The following SLC31A1 variants were observed in gnomAD, a reference collection of about 807,000 sequenced individuals.
The protein encoded by SLC31A1 is solute carrier family 31 member 1.
A neutral mutation model predicts 17.2 loss-of-function variants in SLC31A1; 5 were observed. The observed-to-expected ratio is 0.29, with a 90% CI of 0.15 to 0.61. The LOEUF (loss-of-function observed/expected upper bound fraction) is 0.61. Among genes scored for constraint, SLC31A1 ranks in the 20% least tolerant of loss-of-function variants. The probability of loss-of-function intolerance (pLI) is 0.86; values close to 1 mark genes in which losing one functional copy is unlikely to be tolerated. For synonymous variants in SLC31A1, 76 were observed against 78.8 expected, an observed-to-expected ratio of 0.96 and a Z score of 0.19; for missense variants, 161 against 241.4, an observed-to-expected ratio of 0.67 and a Z score of 2.21.
chr9:113,254,650 G>A (rs2119013457), intron 1 of SLC31A1, among the ~76,000 whole-genome samples: 1 of 152,248 alleles, frequency 6.6e-6, no homozygotes, highest in East Asian at 1.9e-4. Flanking sequence ...TATAATCCCA[G>A]TACTTTGGGA....
At position 113,256,217 on chromosome 9, in the gene SLC31A1, T is replaced by G; in HGVS notation, c.69T>G (p.His23Gln). ...ACAGTACCATGCAACCTTCTCACCATCACCCAACCACTTCAGCCTCACACT... is the reference window on the plus strand; with the variant it reads ...ACAGTACCATGCAACCTTCTCACCAGCACCCAACCACTTCAGCCTCACACT... ...DSNSTMQPSH[H>Q]HPTTSASHSH... The change falls in exon 2 of 5, where the codon CAT (histidine) becomes CAG (glutamine). Residue 23 changes from histidine to glutamine, a missense_variant. Coordinates refer to ENST00000374212, the MANE Select transcript of SLC31A1 (RefSeq NM_001859.4). 1 of 1,613,552 alleles carries G rather than the reference T, an allele frequency of 6.2e-7. No individual in the cohort carries two copies. The highest frequency in any genetic ancestry group is 8.5e-7 in the Non-Finnish European group (1 of 1,180,010).
rs1209701908 is a variant in SLC31A1, at chr9:113,261,987, A to G, written c.*1514A>G. 1.3e-5 allele frequency: 2 copies of G among 152,684 alleles called. No individual in the cohort carries two copies. Among genetic ancestry groups the G allele is most frequent in the Non-Finnish European group, 2.9e-5 (2 of 68,042 alleles). 9.5% of individuals were successfully genotyped at this position (152,684 alleles called of 1,614,324 possible). On this transcript the variant is annotated 3_prime_UTR_variant, in exon 5 of 5. Coordinates refer to ENST00000374212, the MANE Select transcript of SLC31A1 (RefSeq NM_001859.4). Reference sequence around the variant, plus strand: ...CCCAAGCACACATGTGTGAAGGGCTATAGCCAAAGTATTTTTACTAGCCTG... The same window carrying G: ...CCCAAGCACACATGTGTGAAGGGCTGTAGCCAAAGTATTTTTACTAGCCTG...
chr9:113,235,979 C>T lies in SLC31A1; in HGVS notation c.-36+14301C>T, dbSNP rs142589929. Among the ~76,000 whole-genome samples, 15 of 152,248 alleles carry T rather than the reference C, an allele frequency of 9.9e-5. No individual in the cohort carries two copies. In the East Asian group the frequency reaches 2.3e-3, roughly 24 times the overall value. On this transcript the variant is annotated intron_variant, in intron 1 of 4. Transcript: ENST00000374212. Reference sequence around the variant, plus strand: ...AGTATATCAATCATTATTCAGAATGCGTTTCATTTTTTTGTTTTGTTTTGT... The same window carrying T: ...AGTATATCAATCATTATTCAGAATGTGTTTCATTTTTTTGTTTTGTTTTGT...
At position 113,235,058 on chromosome 9, in the gene SLC31A1, C is replaced by A. The variant is rs182280300; in HGVS notation, c.-36+13380C>A. On this transcript the variant is annotated intron_variant, in intron 1 of 4. Coordinates refer to ENST00000374212, the MANE Select transcript of SLC31A1 (RefSeq NM_001859.4). The stretch of plus-strand genomic sequence containing the variant: ...CAATAAAAGAAATGAAAAGGGAAGC[C>A]ACAGACTGGGAGAAGATATTTGCAA... Among the ~76,000 whole-genome samples the A allele has an allele frequency of 1.5e-3, 231 of 152,176 alleles. 3 individuals are homozygous for A. The highest frequency in any genetic ancestry group is 5.4e-3 in the African/African-American group (225 of 41,518).
chr9:113,240,476 A>G (rs1206412159), intron 1 of SLC31A1, among the ~76,000 whole-genome samples: 1 of 152,210 alleles, frequency 6.6e-6, no homozygotes, highest in Non-Finnish European at 1.5e-5. Context: ...TTTAAAAACT[A>G]TAAGTCAATT....
At chr9:113,259,705 C>T (rs556664165) in intron 4 of SLC31A1, among the ~76,000 whole-genome samples, 4 of 151,878 alleles carry the variant, frequency 2.6e-5, no homozygotes, top group Admixed American at 2.0e-4. Context: ...CCACCTCAGC[C>T]TCCTAAGTAG....
intron 1 of SLC31A1, chr9:113,223,255 C>T (rs1831305226): frequency 8.8e-6 from 4 of 452,906 alleles, no homozygotes; most frequent in African/African-American, 6.0e-5. Context: ...TGCTGATTCT[C>T]ATTAGCAGTA....
intron 1 of SLC31A1, among the ~76,000 whole-genome samples, chr9:113,232,010 A>G (rs1295719137): frequency 6.6e-6 from 1 of 152,212 alleles, no homozygotes; most frequent in African/African-American, 2.4e-5. Flanking sequence ...GTTTTCTTCA[A>G]TGCCATATTC....
At chr9:113,244,845 T>C (rs978898039) in intron 1 of SLC31A1, among the ~76,000 whole-genome samples, 2 of 152,260 alleles carry the variant, frequency 1.3e-5, no homozygotes, top group Non-Finnish European at 2.9e-5. Context: ...AAGTGCCGTG[T>C]GGACTGCTGT....
intron 1 of SLC31A1, among the ~76,000 whole-genome samples, chr9:113,225,110 G>A (rs1831326675): frequency 6.6e-6 from 1 of 152,202 alleles, no homozygotes; most frequent in Admixed American, 6.5e-5. Context: ...AAATAGGTTT[G>A]TGAATAAACA....
chr9:113,252,819 T>C (rs13288281), intron 1 of SLC31A1, among the ~76,000 whole-genome samples: 29 of 152,280 alleles, frequency 1.9e-4, no homozygotes, highest in Admixed American at 3.9e-4. Context: ...AAATCCTTTG[T>C]GGTTTTCTTA....
intron 1 of SLC31A1, among the ~76,000 whole-genome samples, chr9:113,240,043 T>C (rs561996665): frequency 1.3e-5 from 2 of 151,896 alleles, no homozygotes; most frequent in African/African-American, 4.9e-5. Flanking sequence ...ATAATTAATT[T>C]ATCAGTCTGT....
intron 1 of SLC31A1, among the ~76,000 whole-genome samples, chr9:113,254,508 G>C (rs1232320425): frequency 6.6e-6 from 1 of 152,024 alleles, no homozygotes; most frequent in East Asian, 1.9e-4. Flanking sequence ...TTCTTCCACA[G>C]ACTGGACTTG....
chr9:113,233,121 C>G (rs1216803787), intron 1 of SLC31A1, among the ~76,000 whole-genome samples: 1 of 152,168 alleles, frequency 6.6e-6, no homozygotes, highest in Non-Finnish European at 1.5e-5. Flanking sequence ...TCAGTGAACT[C>G]CTGCTAATAA....
intron 1 of SLC31A1, among the ~76,000 whole-genome samples, chr9:113,226,033 C>T (rs1419046724): frequency 6.6e-6 from 1 of 151,338 alleles, no homozygotes; most frequent in Non-Finnish European, 1.5e-5. Flanking sequence ...ACTCAGGAGA[C>T]GGAGGCACGA....
intron 2 of SLC31A1, among the ~76,000 whole-genome samples, chr9:113,256,734 G>A (rs535068038): frequency 1.3e-5 from 2 of 152,120 alleles, no homozygotes; most frequent in Admixed American, 6.5e-5. Flanking sequence ...GATGGCATTC[G>A]CCTGTAGTCC....
chr9:113,253,552 A>ATT (rs71491085), intron 1 of SLC31A1, among the ~76,000 whole-genome samples: 83 of 128,792 alleles, frequency 6.4e-4, no homozygotes, highest in South Asian at 2.8e-3. Context: ...GAGCTCTGTA[A>ATT]TTTTTTTTTT....
chr9:113,255,094 A>G (rs1273134106), intron 1 of SLC31A1, among the ~76,000 whole-genome samples: 1 of 152,144 alleles, frequency 6.6e-6, no homozygotes, highest in Admixed American at 6.5e-5. Context: ...TTGAAATTGT[A>G]TCTGAAGTCT....
intron 1 of SLC31A1, among the ~76,000 whole-genome samples, chr9:113,244,201 G>C (rs368081374): frequency 1.4e-5 from 2 of 144,016 alleles, no homozygotes; most frequent in South Asian, 4.4e-4. Context: ...CTACTTCATA[G>C]CTTCTGTTTT....
Sources: gnomAD v4.1 joint callset for allele counts (sites outside exome capture counted in the v4.1 genomes callset) on GRCh38, gnomAD v4.1.1 for gene constraint, MANE v1.5 for transcripts, NCBI Gene and HGNC (gene_info 2026-07-23, HGNC 2026-07-21) for gene names.